The following ANGPT1 variants were observed in gnomAD, a reference collection of about 807,000 sequenced individuals.
ANGPT1 encodes angiopoietin-1.
In ANGPT1, 17 loss-of-function variants were observed where a neutral mutation model predicts 62.2. The observed-to-expected ratio is 0.27, with a 90% confidence interval of 0.19 to 0.41. The LOEUF (loss-of-function observed/expected upper bound fraction) is 0.41. Ranked by LOEUF, ANGPT1 falls within the 10% of genes least tolerant of loss-of-function variation. The pLI is 1.00. For synonymous variants in ANGPT1, 199 were observed against 198.9 expected (o/e 1.00, Z 0.00); for missense variants, 478 against 594.9 (o/e 0.80, Z 2.04).
intron 1 of ANGPT1, among the ~76,000 whole-genome samples, chr8:107,459,387 TAA>T (rs1194041465): frequency 1.3e-5 from 2 of 151,976 alleles, no homozygotes; most frequent in African/African-American, 4.8e-5. Context: ...CTGTGTCTAC[TAA>T]GTCAGCCGGA....
At chr8:107,496,098 CTATCTTT>C (rs1452231432) in intron 1 of ANGPT1, among the ~76,000 whole-genome samples, 1 of 152,174 alleles carries the variant, frequency 6.6e-6, no homozygotes. Flanking sequence ...TGTCCTTTCC[CTATCTTT>C]TATCTTTTTA....
chr8:107,380,928 G>A (rs1416754626), intron 1 of ANGPT1, among the ~76,000 whole-genome samples: 1 of 152,200 alleles, frequency 6.6e-6, no homozygotes, highest in Non-Finnish European at 1.5e-5. Context: ...CTTTGCATTT[G>A]CAAAGTAAAA....
intron 4 of ANGPT1, among the ~76,000 whole-genome samples, chr8:107,319,271 G>A (rs1051744143): frequency 1.3e-5 from 2 of 152,088 alleles, no homozygotes; most frequent in Non-Finnish European, 2.9e-5. Flanking sequence ...AATGACAGGG[G>A]AAGCTCATTA....
chr8:107,487,809 C>T (rs1327741677), intron 1 of ANGPT1, among the ~76,000 whole-genome samples: 4 of 152,042 alleles, frequency 2.6e-5, no homozygotes, highest in African/African-American at 9.7e-5. Flanking sequence ...TGGTAAGTGC[C>T]ATGTATTAGA....
chr8:107,323,733 G>C lies in ANGPT1; in HGVS notation c.576-1605C>G, dbSNP rs148061196. 4.2e-3 allele frequency among the ~76,000 whole-genome samples: 642 copies of C among 152,186 alleles called. 3 individuals carry two copies. The highest frequency in any genetic ancestry group is 0.015 in the African/African-American group (609 of 41,542). On this transcript the variant is annotated intron_variant, in intron 3 of 8. Coordinates refer to ENST00000517746, the MANE Select transcript of ANGPT1 (RefSeq NM_001146.5). ...CTCTCATTTATGACATGGTTGCTAT[G>C]TGTCAGGTACTGTTTTTTTGTTTTG...
intron 2 of ANGPT1, among the ~76,000 whole-genome samples, chr8:107,336,829 T>C (rs981216225): frequency 7.0e-6 from 1 of 143,212 alleles, no homozygotes; most frequent in African/African-American, 2.7e-5. Context: ...GATATTCTCC[T>C]GTGCTAGTTG....
At chr8:107,289,497 A>AT (rs1814223060) in intron 6 of ANGPT1, among the ~76,000 whole-genome samples, 1 of 152,178 alleles carries the variant, frequency 6.6e-6, no homozygotes, top group East Asian at 1.9e-4. Context: ...TAAAAAACAG[A>AT]TAAGACAGCG....
intron 7 of ANGPT1, among the ~76,000 whole-genome samples, chr8:107,265,482 T>C (rs955586570): frequency 7.9e-5 from 12 of 152,336 alleles, no homozygotes; most frequent in African/African-American, 2.6e-4. Flanking sequence ...AGTGGCTCCA[T>C]AGGGCTTAGA....
At chr8:107,365,053 A>G (rs997416812) in intron 1 of ANGPT1, among the ~76,000 whole-genome samples, 27 of 152,054 alleles carry the variant, frequency 1.8e-4, no homozygotes, top group African/African-American at 6.1e-4. Context: ...AGAATTATTC[A>G]TATTATAAAA....
chr8:107,256,470 AC>A (rs994445119), intron 8 of ANGPT1, among the ~76,000 whole-genome samples: 6 of 152,096 alleles, frequency 3.9e-5, no homozygotes, highest in African/African-American at 1.4e-4. Flanking sequence ...AGTATAGCAG[AC>A]TCCTCATTAC....
chr8:107,449,857 G>A lies in ANGPT1; in HGVS notation c.297+47405C>T, dbSNP rs148707984. ...ATATTCGTCCTGTATGATGAATCAA[G>A]AATAAATTATATTAAACTTACTATC... On this transcript the variant is annotated intron_variant, in intron 1 of 8. Coordinates refer to ENST00000517746, the MANE Select transcript of ANGPT1 (RefSeq NM_001146.5). Among the ~76,000 whole-genome samples the A allele has an allele frequency of 1.5e-3, 235 of 152,182 alleles. 1 individual carries two copies. The highest frequency in any genetic ancestry group is 0.014 in the Middle Eastern group (4 of 294).
At chr8:107,336,105 A>G (rs1459237091) in intron 3 of ANGPT1, 45 bp downstream of exon 3, 2 of 1,540,900 alleles carry the variant, frequency 1.3e-6, no homozygotes, top group Non-Finnish European at 1.7e-6. Context: ...TGAAGGATAT[A>G]AATAAGTACA....
intron 3 of ANGPT1, among the ~76,000 whole-genome samples, chr8:107,330,576 T>C (rs1815397702): frequency 6.6e-6 from 1 of 152,148 alleles, no homozygotes; most frequent in Non-Finnish European, 1.5e-5. Flanking sequence ...TAGTCTGACT[T>C]GCATTTTAGA....
At chr8:107,444,645 A>G (rs2130439472) in intron 1 of ANGPT1, among the ~76,000 whole-genome samples, 1 of 152,320 alleles carries the variant, frequency 6.6e-6, no homozygotes, top group South Asian at 2.1e-4. Context: ...ATAGAGACTG[A>G]CAGACTCTGC....
chr8:107,267,803 A>G (rs1443016202), intron 7 of ANGPT1, among the ~76,000 whole-genome samples: 1 of 148,724 alleles, frequency 6.7e-6, no homozygotes, highest in African/African-American at 2.5e-5. Flanking sequence ...TAACCCTCCC[A>G]TATCTTGTTA....
chr8:107,255,830 G>C (rs1264009755), intron 8 of ANGPT1, among the ~76,000 whole-genome samples: 1 of 152,004 alleles, frequency 6.6e-6, no homozygotes, highest in Non-Finnish European at 1.5e-5. Flanking sequence ...CTAGAAAATG[G>C]GGCAGAATGT....
At chr8:107,472,686 CAGAAATTTGA>C (rs1812395263) in intron 1 of ANGPT1, among the ~76,000 whole-genome samples, 1 of 151,910 alleles carries the variant, frequency 6.6e-6, no homozygotes, top group African/African-American at 2.4e-5. Context: ...TTCATAGACA[CAGAAATTTGA>C]AGTTAAACAG....
intron 1 of ANGPT1, among the ~76,000 whole-genome samples, chr8:107,351,730 A>G (rs1172180780): frequency 6.6e-6 from 1 of 152,086 alleles, no homozygotes; most frequent in East Asian, 1.9e-4. Flanking sequence ...ATTTGCCAGT[A>G]CTTTTAATAG....
At chr8:107,315,272 T>C (rs2130034320) in intron 4 of ANGPT1, among the ~76,000 whole-genome samples, 1 of 152,298 alleles carries the variant, frequency 6.6e-6, no homozygotes, top group East Asian at 1.9e-4. Flanking sequence ...GAGTTGAAAT[T>C]TGAACTTCTT....
Sources: gnomAD v4.1 joint callset for allele counts (sites outside exome capture counted in the v4.1 genomes callset) on GRCh38, gnomAD v4.1.1 for gene constraint, MANE v1.5 for transcripts, NCBI Gene and HGNC (gene_info 2026-07-23, HGNC 2026-07-21) for gene names.